Variants in NEDD9 observed in about 807,000 individuals in gnomAD.
The protein encoded by NEDD9 is neural precursor cell expressed, developmentally down-regulated 9.
A neutral mutation model predicts 76.6 loss-of-function variants in NEDD9; 26 were observed. The observed-to-expected ratio is 0.34, with a 90% CI of 0.25 to 0.47. The LOEUF (loss-of-function observed/expected upper bound fraction) is 0.47. NEDD9 is among the 20% of genes least tolerant of loss of function. NEDD9 has a pLI of 1.00. For synonymous variants in NEDD9, 392 were observed against 414.2 expected (o/e 0.95, Z 0.65); for missense variants, 937 against 1,058.5 (o/e 0.89, Z 1.59).
At chr6:11,304,309 G>A (rs1761124940) in intron 3 of NEDD9, among the ~76,000 whole-genome samples, 1 of 152,198 alleles carries the variant, frequency 6.6e-6, no homozygotes, top group Non-Finnish European at 1.5e-5. Context: ...GGAAACAACA[G>A]ATGCTGGAGA....
chr6:11,335,594 A>G (rs1312841650), intron 1 of NEDD9, among the ~76,000 whole-genome samples: 7 of 152,228 alleles, frequency 4.6e-5, no homozygotes, highest in Non-Finnish European at 8.8e-5. Flanking sequence ...TCGCCAACCG[A>G]CTACCACTTC....
At chr6:11,314,877 C>A (rs1761500793) in intron 2 of NEDD9, among the ~76,000 whole-genome samples, 1 of 151,748 alleles carries the variant, frequency 6.6e-6, no homozygotes, top group Non-Finnish European at 1.5e-5. Context: ...AAAAATGCAT[C>A]CTCAGTTTTG....
Position 11,198,331 on chromosome 6 carries a change from G to A in NEDD9, c.460-4639C>T, listed in dbSNP as rs184996295. ...AAATCTTCTGAAGGCAGGGCCCCCAGGCTCTGCACCAACTCCCTCCCTCGG... is the reference window on the plus strand; with the variant it reads ...AAATCTTCTGAAGGCAGGGCCCCCAAGCTCTGCACCAACTCCCTCCCTCGG... On this transcript the variant is annotated intron_variant, in intron 2 of 6. Coordinates refer to ENST00000379446, the MANE Select transcript of NEDD9 (RefSeq NM_006403.4). This position sits in a 1 kb window ranked among gnomAD's most constrained non-coding sequence, Gnocchi z 4.7. 1 of 152,246 alleles carries A rather than the reference G, an allele frequency of 6.6e-6. No individual in the cohort carries two copies. Among genetic ancestry groups the A allele is most frequent in the East Asian group, 1.9e-4 (1 of 5,168 alleles). The allele number at this position is 152,246 out of a possible 1,614,324, so 9.4% of individuals were successfully genotyped here. A position where few individuals can be genotyped will look rare whatever the true frequency, so the allele number is the denominator to read the frequency against.
chr6:11,221,562 A>C (rs1759147313), intron 1 of NEDD9, among the ~76,000 whole-genome samples: 1 of 152,112 alleles, frequency 6.6e-6, no homozygotes. Context: ...AGGGTCTCAG[A>C]TTAGCGGCAG....
intron 1 of NEDD9, among the ~76,000 whole-genome samples, chr6:11,356,287 G>A (rs1472159698): frequency 6.6e-6 from 1 of 152,158 alleles, no homozygotes; most frequent in Non-Finnish European, 1.5e-5. Context: ...AGTCACCTGG[G>A]AAGTCTTAAA....
chr6:11,190,324 G>A lies in NEDD9; in HGVS notation c.1545C>T (p.Ile515=). 1 of 1,614,246 alleles carries A rather than the reference G, an allele frequency of 6.2e-7. No homozygotes were observed. Among genetic ancestry groups the A allele is most frequent in the South Asian group, 1.1e-5 (1 of 91,082 alleles). The change falls in exon 5 of 7, where the codon ATC becomes ATT. Residue 515 remains isoleucine, a synonymous_variant. Transcript: ENST00000379446. This position sits in a 1 kb window ranked among gnomAD's most constrained non-coding sequence, Gnocchi z 5.8. ...DLNECSWSLN[I]LAINKPQNKC... is the part of the protein sequence containing the mutation. ...TGTTCTGGGGCTTGTTGATGGCCAA[G>A]ATATTCAGGGACCAGCTGCACTCAT...
rs1164208727 is a variant in NEDD9 at position 11,361,198 on chromosome 6, T to G, written c.-214+20941A>C. 2.6e-5 allele frequency among the ~76,000 whole-genome samples: 4 copies of G among 151,450 alleles called. No homozygotes were observed. In the East Asian group the frequency reaches 7.7e-4, roughly 29 times the overall value. On this transcript the variant is annotated intron_variant, in intron 1 of 3. Transcript: ENST00000397378. ...AGACAGCAGTGTCAGGGGGTCAGAG[T>G]TGTAGGGATGGGGGCTCTGGTTAAA...
chr6:11,294,816 G>T (rs2113384543), intron 3 of NEDD9, among the ~76,000 whole-genome samples: 1 of 152,212 alleles, frequency 6.6e-6, no homozygotes, highest in African/African-American at 2.4e-5. Flanking sequence ...GATACGGTTT[G>T]GCTGTGTCCC....
intron 1 of NEDD9, among the ~76,000 whole-genome samples, chr6:11,381,136 G>A (rs1009142635): frequency 1.3e-5 from 2 of 152,146 alleles, no homozygotes; most frequent in African/African-American, 2.4e-5. Flanking sequence ...GAATGTCCTC[G>A]AAAGTAACCA....
intron 1 of NEDD9, among the ~76,000 whole-genome samples, chr6:11,338,677 A>C (rs2113517657): frequency 6.6e-6 from 1 of 152,278 alleles, no homozygotes; most frequent in South Asian, 2.1e-4. Flanking sequence ...TAATCCCAGC[A>C]CTTTGGGAGG....
At position 11,185,662 on chromosome 6, in the gene NEDD9, A is replaced by T. The variant is rs1252772126; in HGVS notation, c.2005T>A (p.Phe669Ile). 1.2e-6 allele frequency: 2 copies of T among 1,614,142 alleles called. No homozygotes were observed. Among genetic ancestry groups the T allele is most frequent in the Non-Finnish European group, 8.5e-7 (1 of 1,180,010 alleles). The change falls in exon 7 of 7, where the codon TTC becomes ATC. Residue 669 changes from phenylalanine to isoleucine, a missense_variant. Coordinates refer to ENST00000379446, the MANE Select transcript of NEDD9 (RefSeq NM_006403.4). Reference sequence around the variant, plus strand: ...GTAATCTCTTGTTCCAACAGCTGGAACTGGCTCAGCTGCAAGGAAGACGAA... The same window carrying T: ...GTAATCTCTTGTTCCAACAGCTGGATCTGGCTCAGCTGCAAGGAAGACGAA... ...MQLEHHQLSQ[F>I]QLLEQEITKP...
In NEDD9 at chr6:11,232,599, A is replaced by G. The variant is rs907668113; in HGVS notation, c.-84T>C. On this transcript the variant is annotated 5_prime_UTR_variant, in exon 1 of 7. Coordinates refer to ENST00000379446, the MANE Select transcript of NEDD9 (RefSeq NM_006403.4). Reference sequence around the variant, plus strand: ...CGGTGCCCGCCCCTCCATTGAGTGCAGCGCTAGATGAAAGCGAGAAGGTCC... The same window carrying G: ...CGGTGCCCGCCCCTCCATTGAGTGCGGCGCTAGATGAAAGCGAGAAGGTCC... The G allele has an allele frequency of 8.1e-6, 13 of 1,611,412 alleles. No homozygotes were observed. Among genetic ancestry groups the G allele is most frequent in the Non-Finnish European group, 1.1e-5 (13 of 1,179,090 alleles).
chr6:11,204,488 G>A (rs148492041), intron 2 of NEDD9, among the ~76,000 whole-genome samples: 108 of 152,192 alleles, frequency 7.1e-4, no homozygotes, highest in Middle Eastern at 3.4e-3. Flanking sequence ...TTGGGAGGCC[G>A]AGGTGGGCAG....
At chr6:11,260,681 G>A (rs1760091214) in intron 3 of NEDD9, among the ~76,000 whole-genome samples, 1 of 152,154 alleles carries the variant, frequency 6.6e-6, no homozygotes, top group African/African-American at 2.4e-5. Flanking sequence ...CATGTATGCT[G>A]GGTCCTAAGT....
chr6:11,313,715 C>T (rs1761454218), intron 2 of NEDD9, among the ~76,000 whole-genome samples: 1 of 152,220 alleles, frequency 6.6e-6, no homozygotes, highest in South Asian at 2.1e-4. Context: ...TGACCTCTCA[C>T]TCTCTTTGGA....
intron 2 of NEDD9, among the ~76,000 whole-genome samples, chr6:11,208,139 C>T (rs1758664703): frequency 6.6e-6 from 1 of 151,394 alleles, no homozygotes; most frequent in Non-Finnish European, 1.5e-5. Flanking sequence ...GATGGCACCA[C>T]CGCACTTCAG....
intron 1 of NEDD9, among the ~76,000 whole-genome samples, chr6:11,377,871 C>A (rs190459897): frequency 6.6e-6 from 1 of 152,128 alleles, no homozygotes; most frequent in African/African-American, 2.4e-5. Flanking sequence ...TTGGAGCATG[C>A]GGGTGGATCC....
chr6:11,267,651 A>C (rs1464235165), intron 3 of NEDD9, among the ~76,000 whole-genome samples: 1 of 152,178 alleles, frequency 6.6e-6, no homozygotes, highest in African/African-American at 2.4e-5. Context: ...AATTCATTAG[A>C]CATAGCACTA....
At chr6:11,379,310 G>T (rs1466876581) in intron 1 of NEDD9, among the ~76,000 whole-genome samples, 1 of 152,120 alleles carries the variant, frequency 6.6e-6, no homozygotes. Flanking sequence ...CTTTTGGGCC[G>T]GGCGCAGTGG....
Sources: gnomAD v4.1 joint callset for allele counts (sites outside exome capture counted in the v4.1 genomes callset) on GRCh38, gnomAD v4.1.1 for gene constraint, Gnocchi (gnomAD v3.1) non-coding constraint, MANE v1.5 for transcripts, NCBI Gene and HGNC (gene_info 2026-07-23, HGNC 2026-07-21) for gene names.